Variants in SYNE1 observed in about 807,000 individuals in gnomAD.
The protein encoded by SYNE1 is nesprin-1.
A neutral mutation model predicts 1,111.0 loss-of-function variants in SYNE1; 616 were observed. The observed-to-expected ratio is 0.55, with a 90% CI of 0.52 to 0.59. The LOEUF (loss-of-function observed/expected upper bound fraction) is 0.59. Among genes scored for constraint, SYNE1 ranks in the 20% least tolerant of loss-of-function variants. The pLI, the probability that SYNE1 is intolerant of heterozygous loss-of-function variation, is 0.00. For synonymous variants in SYNE1, 3,855 were observed against 3,825.8 expected, an observed-to-expected ratio of 1.01 and a Z score of -0.28; for missense variants, 10,006 against 10,417.0, an observed-to-expected ratio of 0.96 and a Z score of 1.72.
intron 129 of SYNE1, among the ~76,000 whole-genome samples, chr6:152,178,559 T>C (rs1404299987): frequency 6.6e-6 from 1 of 152,270 alleles, no homozygotes; most frequent in Non-Finnish European, 1.5e-5. Context: ...ACATGTTGGC[T>C]TTGGATGTTT....
chr6:152,350,569 C>T, intron 71 of SYNE1, 49 bp downstream of exon 71: 1 of 1,613,160 alleles, frequency 6.2e-7, no homozygotes, highest in Non-Finnish European at 8.5e-7. Flanking sequence ...AGTCAGGGCC[C>T]ACATTTTGGA....
rs184557908 is a variant in SYNE1, at chr6:152,441,461, A to G, written c.4009-191T>C. On this transcript the variant is annotated intron_variant, in intron 31 of 145. Coordinates refer to ENST00000367255, the MANE Select transcript of SYNE1 (RefSeq NM_182961.4). ...CTCTATGTTAATGTTTTCATCTACA[A>G]AAAGAGAGGACACATGGACTCAGAT... 3.8e-3 allele frequency among the ~76,000 whole-genome samples: 585 copies of G among 152,328 alleles called. 4 individuals are homozygous for G. The highest frequency in any genetic ancestry group is 0.013 in the African/African-American group (537 of 41,566).
At chr6:152,125,198 G>C (rs762417617) in intron 145 of SYNE1, 89 of 1,518,592 alleles carry the variant, frequency 5.9e-5, no homozygotes, top group Admixed American at 2.0e-4. Flanking sequence ...ACTCTCTGCT[G>C]TGAAATGTTT....
chr6:152,195,820 C>G (rs183159570), intron 127 of SYNE1, among the ~76,000 whole-genome samples: 172 of 120,788 alleles, frequency 1.4e-3, no homozygotes, highest in Non-Finnish European at 1.9e-3. Context: ...CTTGGCTACT[C>G]TCTATGTTTG....
At chr6:152,178,910 C>CTTTTTTT (rs750037655) in intron 129 of SYNE1, among the ~76,000 whole-genome samples, 1 of 115,566 alleles carries the variant, frequency 8.7e-6, no homozygotes, top group Non-Finnish European at 1.7e-5. Flanking sequence ...TCACCCAATT[C>CTTTTTTT]TTTTTTTTTT....
rs528910984 is a variant in SYNE1, at chr6:152,212,925, T to G, written c.22494+687A>C. Among the ~76,000 whole-genome samples the G allele has an allele frequency of 6.0e-4, 92 of 152,338 alleles. 1 individual carries two copies. The highest frequency in any genetic ancestry group is 2.1e-3 in the African/African-American group (87 of 41,586). On this transcript the variant is annotated intron_variant, in intron 123 of 145. Coordinates refer to ENST00000367255, the MANE Select transcript of SYNE1 (RefSeq NM_182961.4). ...ATACCTTAGATATCTTTAAATTTTC[T>G]ATTTAAAAAATTCTGAATTAAGTTT...
chr6:152,304,630 G>T (rs1188137815), intron 91 of SYNE1, among the ~76,000 whole-genome samples: 2 of 152,132 alleles, frequency 1.3e-5, no homozygotes, highest in Non-Finnish European at 2.9e-5. Flanking sequence ...GGCAATTTGA[G>T]GAATCTTTAT....
chr6:152,216,104 T>G (rs2078577422), intron 121 of SYNE1, among the ~76,000 whole-genome samples: 2 of 152,200 alleles, frequency 1.3e-5, no homozygotes, highest in South Asian at 4.1e-4. Flanking sequence ...TCAGGCCACC[T>G]TTGGCTATGT....
chr6:152,156,049 G>A lies in SYNE1; in HGVS notation c.23839C>T (p.Leu7947Phe), dbSNP rs201895131. 2 of 1,614,138 alleles carry A rather than the reference G, an allele frequency of 1.2e-6. No individual in the cohort carries two copies. The highest frequency in any genetic ancestry group is 1.7e-6 in the Non-Finnish European group (2 of 1,180,028). ...TGCAGCAGGACTTCACACAGGTTGA[G>A]GACAGATGCAACACCTGTACTGTGC... Reference protein sequence around the residue: ...EKHSTGVASVLNLCEVLLHDC... With the variant: ...EKHSTGVASVFNLCEVLLHDC... Residue 7947 changes from leucine to phenylalanine, a missense_variant, in exon 132 of 146, where the codon CTC (leucine) becomes TTC (phenylalanine). Transcript: ENST00000367255.
At chr6:152,503,175 T>C (rs1399821333) in intron 9 of SYNE1, among the ~76,000 whole-genome samples, 3 of 152,078 alleles carry the variant, frequency 2.0e-5, no homozygotes, top group African/African-American at 7.2e-5. Context: ...TGACACTGAA[T>C]GACATATATA....
In SYNE1 at chr6:152,208,105, T is replaced by C; in HGVS notation, c.22691A>G (p.Gln7564Arg). 2 of 1,614,110 alleles carry C rather than the reference T, an allele frequency of 1.2e-6. No individual in the cohort carries two copies. The highest frequency in any genetic ancestry group is 1.7e-6 in the Non-Finnish European group (2 of 1,180,006). The stretch of plus-strand genomic sequence containing the variant: ...TGCCATCTCCCTATAGCGCTGCCAC[T>C]GGCGAATCTGGCTGTCAATGATCCC... ...RRGIIDSQIR[Q>R]WQRYREMAEK... The change falls in exon 125 of 146, where the codon CAG (glutamine) becomes CGG (arginine). Residue 7564 changes from glutamine to arginine, a missense_variant. Gln to Arg is a conservative substitution (Grantham distance 43, BLOSUM62 1). Coordinates refer to ENST00000367255, the MANE Select transcript of SYNE1 (RefSeq NM_182961.4).
intron 128 of SYNE1, among the ~76,000 whole-genome samples, chr6:152,182,900 A>G (rs1022682937): frequency 6.6e-6 from 1 of 152,206 alleles, no homozygotes; most frequent in Non-Finnish European, 1.5e-5. Context: ...ACACTGGTGA[A>G]CCTACTAAGT....
At chr6:152,523,073 A>G (rs6934124) in intron 5 of SYNE1, among the ~76,000 whole-genome samples, 11,204 of 151,842 alleles carry the variant, frequency 0.074, 1,387 homozygotes, top group African/African-American at 0.26. Context: ...CCATTTATCT[A>G]TTTCTATTTT....
At chr6:152,135,002 T>TAAAAAAAAGTTA in intron 142 of SYNE1, 102 bp downstream of exon 142, 1 of 1,520,786 alleles carries the variant, frequency 6.6e-7, no homozygotes, top group Admixed American at 1.8e-5. Flanking sequence ...TGCAAAAAGT[T>TAAAAAAAAGTTA]AAAAAAAAAG....
At chr6:152,345,578 T>C (rs1590683723) in intron 73 of SYNE1, among the ~76,000 whole-genome samples, 2 of 28,586 alleles carry the variant, frequency 7.0e-5, no homozygotes, top group African/African-American at 1.7e-4. Context: ...TGAAGGTGAA[T>C]TTTTTTTTTT....
At chr6:152,150,396 G>C (rs1309491297) in intron 135 of SYNE1, among the ~76,000 whole-genome samples, 1 of 152,230 alleles carries the variant, frequency 6.6e-6, no homozygotes, top group Non-Finnish European at 1.5e-5. Flanking sequence ...GGTCCCAAGG[G>C]ACAAGATTCA....
intron 3 of SYNE1, chr6:152,546,537 T>C (rs1173566447): frequency 6.6e-6 from 1 of 152,140 alleles, no homozygotes; most frequent in African/African-American, 2.4e-5. Flanking sequence ...GGAATTCAAC[T>C]CTGCTCTGAG....
At chr6:152,636,835 G>C (rs1324586590) in intron 1 of SYNE1, 30 bp from the exon 2 acceptor site, 1 of 152,384 alleles carries the variant, frequency 6.6e-6, no homozygotes, top group East Asian at 1.9e-4. Context: ...ATCTCAGCCC[G>C]CTGCGGCCGG....
At chr6:152,472,633 G>T in intron 14 of SYNE1, 1 of 703,014 alleles carries the variant, frequency 1.4e-6, no homozygotes, top group Admixed American at 2.0e-5. Context: ...TAATAATTAT[G>T]CATCTTTTAA....
Sources: allele counts gnomAD v4.1 joint callset (sites outside exome capture counted in the v4.1 genomes callset), GRCh38; gene constraint gnomAD v4.1.1; transcripts MANE v1.5; gene names NCBI Gene and HGNC (gene_info 2026-07-23, HGNC 2026-07-21).